PCDH9: variants seen among roughly 807,000 people sequenced by gnomAD.
PCDH9 encodes the protein protocadherin-9.
Under a neutral mutation model 70.6 loss-of-function variants are expected in PCDH9, and 24 were observed. The observed-to-expected ratio is 0.34, with a 90% CI of 0.25 to 0.48. The LOEUF (loss-of-function observed/expected upper bound fraction) is 0.48. PCDH9 is among the 20% of genes least tolerant of loss of function. PCDH9 has a pLI of 0.99. For synonymous variants in PCDH9, 562 were observed against 558.5 expected (o/e 1.01, Z -0.09); for missense variants, 1,281 against 1,503.6 (o/e 0.85, Z 2.45).
Position 66,493,493 on chromosome 13 carries a change from T to C in PCDH9, c.3340+137717A>G, listed in dbSNP as rs117380218. On this transcript the variant is annotated intron_variant, in intron 4 of 4. Coordinates refer to ENST00000377865, the MANE Select transcript of PCDH9 (RefSeq NM_203487.3). The stretch of plus-strand genomic sequence containing the variant: ...TCATATTTTTGAAATTATTCACTTA[T>C]ATCTCATGCAACCACGGTAATTTAA... 4.7e-3 allele frequency among the ~76,000 whole-genome samples: 712 copies of C among 152,264 alleles called. 31 individuals are homozygous for C. The East Asian group carries it at 0.091, about 20-fold the overall frequency.
intron 4 of PCDH9, among the ~76,000 whole-genome samples, chr13:66,363,719 T>C (rs991424442): frequency 2.0e-5 from 3 of 152,202 alleles, no homozygotes; most frequent in African/African-American, 7.2e-5. Flanking sequence ...TGTACTTAAA[T>C]ATAAGTGACT....
chr13:66,353,161 G>A (rs1228359515), intron 4 of PCDH9, among the ~76,000 whole-genome samples: 1 of 152,076 alleles, frequency 6.6e-6, no homozygotes, highest in Non-Finnish European at 1.5e-5. Context: ...TCTAAGTATA[G>A]TTTCCTTAAA....
At chr13:67,019,008 T>C (rs1247734197) in intron 2 of PCDH9, among the ~76,000 whole-genome samples, 1 of 152,102 alleles carries the variant, frequency 6.6e-6, no homozygotes, top group Non-Finnish European at 1.5e-5. Context: ...AGAACTAAGA[T>C]AATTGCAGGT....
intron 3 of PCDH9, among the ~76,000 whole-genome samples, chr13:66,685,962 G>A (rs1042856559): frequency 1.3e-5 from 2 of 152,172 alleles, no homozygotes; most frequent in African/African-American, 4.8e-5. Flanking sequence ...TAGGTGGAAG[G>A]GACTTGCCTT....
intron 4 of PCDH9, among the ~76,000 whole-genome samples, chr13:66,524,552 G>A (rs1186629327): frequency 2.0e-5 from 3 of 151,936 alleles, no homozygotes; most frequent in Non-Finnish European, 4.4e-5. Context: ...ACTTTTTTCA[G>A]CTAAAGGGGG....
At chr13:66,949,667 C>T (rs1181832553) in intron 2 of PCDH9, among the ~76,000 whole-genome samples, 2 of 151,880 alleles carry the variant, frequency 1.3e-5, no homozygotes, top group African/African-American at 4.8e-5. Context: ...GGGAGATGCA[C>T]AACCTTAATC....
chr13:66,612,198 G>T (rs117007235), intron 4 of PCDH9, among the ~76,000 whole-genome samples: 1 of 152,134 alleles, frequency 6.6e-6, no homozygotes, highest in Non-Finnish European at 1.5e-5. Flanking sequence ...GTCAATGAAT[G>T]CATAAGGAAT....
At chr13:67,213,072 G>T (rs1466924816) in intron 2 of PCDH9, 1 of 151,226 alleles carries the variant, frequency 6.6e-6, no homozygotes, top group African/African-American at 2.4e-5. Context: ...TTAGCCGGGT[G>T]TGGTGGCGGG....
intron 4 of PCDH9, among the ~76,000 whole-genome samples, chr13:66,572,058 T>G (rs905455397): frequency 6.6e-6 from 1 of 152,102 alleles, no homozygotes; most frequent in African/African-American, 2.4e-5. Flanking sequence ...TCTCTTAAAC[T>G]TATGACTCTT....
intron 3 of PCDH9, among the ~76,000 whole-genome samples, chr13:66,799,125 T>G (rs998392646): frequency 1.3e-5 from 2 of 152,142 alleles, no homozygotes; most frequent in Non-Finnish European, 1.5e-5. Context: ...GGCCTGCTAC[T>G]CTTTATTAAG....
chr13:66,895,440 C>T lies in PCDH9; in HGVS notation c.3138+8064G>A, dbSNP rs532289979. ...CTCACATATATGTGGATGACTGTCA[C>T]TCCTCTCAGGGTGTCTCCAATATCC... On this transcript the variant is annotated intron_variant, in intron 3 of 4. Transcript: ENST00000377865. Among the ~76,000 whole-genome samples, 5 of 152,234 alleles carry T rather than the reference C, an allele frequency of 3.3e-5. No homozygotes were observed. In the East Asian group the frequency reaches 7.7e-4, roughly 24 times the overall value.
intron 2 of PCDH9, chr13:67,215,179 C>T (rs190947190): frequency 6.5e-4 from 99 of 151,264 alleles, no homozygotes; most frequent in African/African-American, 2.4e-3. Context: ...ATTAAATAGG[C>T]CAAATAATCC....
At chr13:67,132,858 A>T (rs2087139838) in intron 2 of PCDH9, among the ~76,000 whole-genome samples, 1 of 152,076 alleles carries the variant, frequency 6.6e-6, no homozygotes, top group African/African-American at 2.4e-5. Context: ...TTCTAGCTAA[A>T]ACTCTTACGT....
chr13:66,731,290 TTATA>T (rs545840094), intron 3 of PCDH9, among the ~76,000 whole-genome samples: 22 of 152,088 alleles, frequency 1.4e-4, no homozygotes, highest in Non-Finnish European at 3.1e-4. Flanking sequence ...AAACTCATGG[TTATA>T]TAAAGGATTG....
At chr13:66,367,652 G>A (rs1339708031) in intron 4 of PCDH9, among the ~76,000 whole-genome samples, 1 of 152,106 alleles carries the variant, frequency 6.6e-6, no homozygotes, top group East Asian at 1.9e-4. Flanking sequence ...GCAAGCATAG[G>A]GAGCTGCATG....
intron 3 of PCDH9, among the ~76,000 whole-genome samples, chr13:66,815,646 G>C (rs749203692): frequency 2.0e-5 from 3 of 152,066 alleles, no homozygotes; most frequent in Non-Finnish European, 4.4e-5. Flanking sequence ...TATCCTAAGT[G>C]AACTAACATA....
intron 2 of PCDH9, among the ~76,000 whole-genome samples, chr13:67,194,934 A>C (rs2089019616): frequency 6.6e-6 from 1 of 152,186 alleles, no homozygotes; most frequent in Admixed American, 6.5e-5. Flanking sequence ...GTTTATCAAA[A>C]AAAGTCATTT....
chr13:66,379,922 T>C (rs1227495486), intron 4 of PCDH9, among the ~76,000 whole-genome samples: 1 of 152,132 alleles, frequency 6.6e-6, no homozygotes, highest in Non-Finnish European at 1.5e-5. Context: ...AAATGGCCTG[T>C]GCCTCAAAAC....
chr13:67,036,984 A>G (rs1239302976), intron 2 of PCDH9, among the ~76,000 whole-genome samples: 1 of 152,200 alleles, frequency 6.6e-6, no homozygotes, highest in Non-Finnish European at 1.5e-5. Flanking sequence ...AAACTATATT[A>G]TGGGTTGTAA....
Sources: allele counts gnomAD v4.1 joint callset (sites outside exome capture counted in the v4.1 genomes callset), GRCh38; gene constraint gnomAD v4.1.1; transcripts MANE v1.5; gene names NCBI Gene and HGNC (gene_info 2026-07-23, HGNC 2026-07-21).